Variants in PCSK5 observed in about 807,000 individuals in gnomAD.
PCSK5 encodes prohormone convertase 5.
In PCSK5, 129 loss-of-function variants were observed where a neutral mutation model predicts 233.2. That is an observed-to-expected ratio of 0.55 (90% CI 0.48 to 0.64). The LOEUF is 0.64. Among genes scored for constraint, PCSK5 ranks in the 30% least tolerant of loss-of-function variants. The pLI is 0.00. For synonymous variants in PCSK5, 825 were observed against 879.2 expected, an observed-to-expected ratio of 0.94 and a Z score of 1.09; for missense variants, 2,076 against 2,430.1, an observed-to-expected ratio of 0.85 and a Z score of 3.06.
At chr9:76,212,797 T>C (rs557298709) in intron 20 of PCSK5, among the ~76,000 whole-genome samples, 6 of 152,340 alleles carry the variant, frequency 3.9e-5, no homozygotes, top group Admixed American at 1.3e-4. Context: ...ACAACAACTT[T>C]CTGAGGTAGG....
chr9:76,043,012 A>G (rs1195724311), intron 5 of PCSK5, among the ~76,000 whole-genome samples: 1 of 152,108 alleles, frequency 6.6e-6, no homozygotes, highest in Non-Finnish European at 1.5e-5. Flanking sequence ...TTCCATTGCT[A>G]AAGGATTGGC....
intron 5 of PCSK5, among the ~76,000 whole-genome samples, chr9:76,063,584 G>A (rs1482781344): frequency 9.5e-5 from 5 of 52,830 alleles, no homozygotes; most frequent in East Asian, 4.3e-4. Context: ...ATCTTGCACC[G>A]CCCTTAATCC....
chr9:76,359,323 C>G lies in PCSK5; in HGVS notation c.*401C>G, dbSNP rs1236393192. The G allele has an allele frequency of 5.9e-6, 1 of 169,464 alleles. No individual in the cohort carries two copies. The highest frequency in any genetic ancestry group is 1.5e-4 in the East Asian group (1 of 6,490). 10.5% of individuals were successfully genotyped at this position (169,464 alleles called of 1,614,324 possible). ...GAGGTGTCTGCTGCCTCCTGGTATT[C>G]TAATTTTTCTTTATCTAATTTTGGG... On this transcript the variant is annotated 3_prime_UTR_variant, in exon 38 of 38. Transcript: ENST00000674117.
chr9:76,188,729 T>C (rs1587735423), intron 18 of PCSK5, 54 bp downstream of exon 18: 1 of 1,379,666 alleles, frequency 7.2e-7, no homozygotes, highest in East Asian at 2.3e-5. Context: ...TGCTTTTCTT[T>C]CTGGTTTGGG....
In PCSK5 at chr9:76,239,880, C is replaced by T. The variant is rs530653062; in HGVS notation, c.3073+715C>T. ...CCCTAGGCAAAACTCATCTAATTTG[C>T]CCATGCCTTGGTGTCTTCATCTGTC... On this transcript the variant is annotated intron_variant, in intron 23 of 37. Transcript: ENST00000674117. Among the ~76,000 whole-genome samples the T allele has an allele frequency of 6.4e-4, 98 of 152,178 alleles. 1 individual carries two copies. Among genetic ancestry groups the T allele is most frequent in the Admixed American group, 4.8e-3 (74 of 15,284 alleles).
intron 2 of PCSK5, among the ~76,000 whole-genome samples, chr9:75,957,276 TCTA>T (rs1825136276): frequency 6.6e-6 from 1 of 152,210 alleles, no homozygotes. Context: ...TAAGATGGCT[TCTA>T]CTCTTGGCTT....
At chr9:75,930,798 G>A (rs937442841) in intron 1 of PCSK5, among the ~76,000 whole-genome samples, 2 of 152,144 alleles carry the variant, frequency 1.3e-5, no homozygotes, top group African/African-American at 4.8e-5. Context: ...AGCTTCTTGG[G>A]ATTTTAAGGT....
Position 76,296,765 on chromosome 9 carries a change from T to C in PCSK5, c.3423T>C (p.Pro1141=), listed in dbSNP as rs1268312757. ...GAGCATGCGAAACCTGCACAGGCCC[T>C]GGTCATGACGAGTGCAGCAGCTGCC... ...CHRACETCTG[P]GHDECSSCQE... is the part of the protein sequence containing the mutation. Residue 1141 remains proline, a synonymous_variant, in exon 27 of 38, where the codon CCT becomes CCC. Transcript: ENST00000674117. The C allele has an allele frequency of 1.9e-6, 3 of 1,611,898 alleles. No individual in the cohort carries two copies. In the African/African-American group the frequency reaches 4.0e-5, roughly 22 times the overall value.
intron 10 of PCSK5, among the ~76,000 whole-genome samples, chr9:76,141,061 TTGTGGTTA>T (rs1823198744): frequency 6.6e-6 from 1 of 152,162 alleles, no homozygotes; most frequent in African/African-American, 2.4e-5. Flanking sequence ...TCTTAATATT[TTGTGGTTA>T]TGGTTGATAT....
At chr9:76,191,426 TCCA>T (rs1478578203) in intron 20 of PCSK5, among the ~76,000 whole-genome samples, 1 of 151,706 alleles carries the variant, frequency 6.6e-6, no homozygotes, top group Non-Finnish European at 1.5e-5. Flanking sequence ...GGGCCTCATT[TCCA>T]CCATCTGTAA....
chr9:76,091,312 TGAGAGAGA>T (rs71992221), intron 7 of PCSK5, among the ~76,000 whole-genome samples: 36,619 of 150,042 alleles, frequency 0.24, 4,881 homozygotes, highest in Non-Finnish European at 0.31. Flanking sequence ...GCCTACAATC[TGAGAGAGA>T]GAGAGAGAGA....
intron 5 of PCSK5, among the ~76,000 whole-genome samples, chr9:76,047,828 G>A (rs967092914): frequency 5.3e-5 from 8 of 152,076 alleles, no homozygotes; most frequent in Admixed American, 2.0e-4. Flanking sequence ...AAATTCATGA[G>A]TTTATTACCT....
chr9:76,338,420 T>C lies in PCSK5; in HGVS notation c.4939T>C (p.Cys1647Arg), dbSNP rs1179959763. 6.2e-7 allele frequency: 1 copy of C among 1,612,258 alleles called. No individual in the cohort carries two copies. The highest frequency in any genetic ancestry group is 1.7e-5 in the Admixed American group (1 of 60,024). The change falls in exon 35 of 38, where the codon TGC becomes CGC. Residue 1647 changes from cysteine to arginine, a missense_variant. Physicochemically the swap from Cys to Arg is radical, Grantham distance 180. This residue lies in a region of PCSK5 where 1,510 missense variants were observed against 1,538.1 expected (regional missense o/e 0.98). Coordinates refer to ENST00000674117, the MANE Select transcript of PCSK5 (RefSeq NM_001372043.1). ...GCAAAGCACACAGACCTGTGAGAGA[T>C]GCCATCCGACTTGTGATCAATGCAA... Reference protein sequence around the residue: ...VEQSTQTCERCHPTCDQCKGK... With the variant: ...VEQSTQTCERRHPTCDQCKGK...
chr9:76,189,002 C>T (rs769994735), intron 18 of PCSK5, 92 bp from the exon 19 acceptor site: 333 of 1,081,680 alleles, frequency 3.1e-4, no homozygotes, highest in Non-Finnish European at 4.0e-4. Context: ...TATTCTTTGA[C>T]GCCATTTTCT....
intron 16 of PCSK5, among the ~76,000 whole-genome samples, chr9:76,183,658 A>G (rs1334017596): frequency 6.6e-6 from 1 of 152,184 alleles, no homozygotes; most frequent in African/African-American, 2.4e-5. Flanking sequence ...CCGTATGATG[A>G]CTACTGTTAA....
chr9:76,235,879 A>C (rs1826236699), intron 22 of PCSK5, among the ~76,000 whole-genome samples: 1 of 152,260 alleles, frequency 6.6e-6, no homozygotes, highest in African/African-American at 2.4e-5. Flanking sequence ...GCTGAAGAAG[A>C]TGGATGACTT....
intron 25 of PCSK5, among the ~76,000 whole-genome samples, chr9:76,292,911 G>T (rs920089770): frequency 7.2e-5 from 11 of 152,190 alleles, no homozygotes; most frequent in Admixed American, 2.6e-4. Flanking sequence ...TGCATGGGCT[G>T]CATAATCCCT....
At chr9:76,091,337 G>A (rs902242933) in intron 7 of PCSK5, among the ~76,000 whole-genome samples, 17 of 151,830 alleles carry the variant, frequency 1.1e-4, no homozygotes, top group Non-Finnish European at 1.9e-4. Flanking sequence ...GAGAGAAAGC[G>A]AGCGAGCTAG....
At chr9:76,161,074 C>T (rs937021570) in intron 12 of PCSK5, among the ~76,000 whole-genome samples, 2 of 152,294 alleles carry the variant, frequency 1.3e-5, no homozygotes, top group East Asian at 1.9e-4. Context: ...GCGTGCAGCC[C>T]GGAATCTGAA....
Sources: gnomAD v4.1 joint callset for allele counts (sites outside exome capture counted in the v4.1 genomes callset) on GRCh38, gnomAD v4.1.1 for gene constraint, gnomAD v4.1.1 regional missense constraint, MANE v1.5 for transcripts, NCBI Gene and HGNC (gene_info 2026-07-23, HGNC 2026-07-21) for gene names.